TENM4: variants seen among roughly 807,000 people sequenced by gnomAD.
TENM4 encodes the protein teneurin-4.
Under a neutral mutation model 243.3 loss-of-function variants are expected in TENM4, and 82 were observed. The ratio of observed to expected loss-of-function variants is 0.34; its 90% CI spans 0.28 to 0.40. The LOEUF (loss-of-function observed/expected upper bound fraction) is 0.40. Among genes scored for constraint, TENM4 ranks in the 10% least tolerant of loss-of-function variants. TENM4 has a pLI of 1.00. For synonymous variants in TENM4, 1,412 were observed against 1,456.3 expected, an observed-to-expected ratio of 0.97 and a Z score of 0.69; for missense variants, 3,138 against 3,673.3, an observed-to-expected ratio of 0.85 and a Z score of 3.77.
chr11:78,663,589 C>T (rs1190075040), intron 32 of TENM4, among the ~76,000 whole-genome samples: 2 of 152,260 alleles, frequency 1.3e-5, no homozygotes, highest in South Asian at 2.1e-4. Flanking sequence ...CCTTGCCTTC[C>T]GCTACGAGTA....
At chr11:78,823,208 T>C (rs576386689) in intron 12 of TENM4, among the ~76,000 whole-genome samples, 2 of 152,316 alleles carry the variant, frequency 1.3e-5, no homozygotes, top group African/African-American at 4.8e-5. Context: ...AAATGCCTCG[T>C]CTTCCCTCCA....
chr11:79,292,992 G>C (rs957131753), intron 2 of TENM4, among the ~76,000 whole-genome samples: 1 of 152,168 alleles, frequency 6.6e-6, no homozygotes, highest in Non-Finnish European at 1.5e-5. Context: ...TCTGCCCTCA[G>C]AAACCTCACA....
chr11:79,157,665 C>T (rs192449389), intron 3 of TENM4, among the ~76,000 whole-genome samples: 67 of 152,276 alleles, frequency 4.4e-4, no homozygotes, highest in Middle Eastern at 6.8e-3. Context: ...ATCCTATCTA[C>T]TGATCTCCAC....
intron 6 of TENM4, among the ~76,000 whole-genome samples, chr11:78,970,564 T>C (rs938812739): frequency 2.6e-5 from 4 of 152,242 alleles, no homozygotes; most frequent in Admixed American, 2.6e-4. Context: ...ATGCAGTCTG[T>C]AGCAATGGAA....
intron 26 of TENM4, among the ~76,000 whole-genome samples, chr11:78,708,941 A>G (rs1427007864): frequency 2.0e-5 from 3 of 147,460 alleles, no homozygotes; most frequent in African/African-American, 7.7e-5. Context: ...CTTTTTGGTA[A>G]CCATTTTTCT....
chr11:78,854,343 G>A, intron 11 of TENM4, 29 bp from the exon 12 acceptor site: 1 of 1,472,734 alleles, frequency 6.8e-7, no homozygotes, highest in South Asian at 1.4e-5. Flanking sequence ...ACAGTTAGCA[G>A]TGGGTCTGTT....
Position 78,856,183 on chromosome 11 carries a change from C to G in TENM4, c.1256-5G>C. On this transcript the variant is annotated splice_region_variant and splice_polypyrimidine_tract_variant and intron_variant, in intron 10 of 33. Transcript: ENST00000278550. ...GAAAGAAACTACTGGGCTTTCCTACCAAGATAGAGGGAAGGGAAGACAAAG... is the reference window on the plus strand; with the variant it reads ...GAAAGAAACTACTGGGCTTTCCTACGAAGATAGAGGGAAGGGAAGACAAAG... 1.3e-6 allele frequency: 2 copies of G among 1,550,600 alleles called. No homozygotes were observed. The highest frequency in any genetic ancestry group is 1.7e-6 in the Non-Finnish European group (2 of 1,146,252).
chr11:79,001,460 A>G (rs1858324568), intron 6 of TENM4, among the ~76,000 whole-genome samples: 3 of 144,900 alleles, frequency 2.1e-5, no homozygotes, highest in Non-Finnish European at 4.5e-5. Flanking sequence ...GAACTTCCAG[A>G]ATCCTGGCAG....
chr11:78,875,748 G>A (rs568822080), intron 9 of TENM4, among the ~76,000 whole-genome samples: 1 of 152,188 alleles, frequency 6.6e-6, no homozygotes, highest in South Asian at 2.1e-4. Flanking sequence ...GCCCCTGTTT[G>A]CACTTAACAA....
intron 6 of TENM4, among the ~76,000 whole-genome samples, chr11:78,917,282 T>A (rs1332262253): frequency 5.3e-5 from 8 of 152,192 alleles, no homozygotes; most frequent in Non-Finnish European, 1.0e-4. Flanking sequence ...AGAAGTTGCA[T>A]GCAAACGCCT....
chr11:78,854,372 CT>C, intron 11 of TENM4, 58 bp from the exon 12 acceptor site: 1 of 1,398,456 alleles, frequency 7.2e-7, no homozygotes. Context: ...CACCAGCGTC[CT>C]TCCCGGGGCT....
chr11:79,207,965 T>A (rs1241639611), intron 3 of TENM4, among the ~76,000 whole-genome samples: 1 of 151,076 alleles, frequency 6.6e-6, no homozygotes, highest in Non-Finnish European at 1.5e-5. Flanking sequence ...GGGAAGCCAC[T>A]GAAAATCACT....
intron 6 of TENM4, among the ~76,000 whole-genome samples, chr11:78,947,018 A>G (rs1408228249): frequency 6.6e-6 from 1 of 152,236 alleles, no homozygotes; most frequent in Admixed American, 6.5e-5. Flanking sequence ...AACATAGTTG[A>G]TAAGGCAGAA....
chr11:78,864,349 A>G (rs545766210), intron 9 of TENM4, among the ~76,000 whole-genome samples: 5,572 of 142,724 alleles, frequency 0.039, 345 homozygotes, highest in African/African-American at 0.13. Context: ...CAGGAGAATG[A>G]AGTGAACCTG....
intron 6 of TENM4, 50 bp downstream of exon 6, chr11:79,064,687 AC>A (rs1257936419): frequency 5.7e-5 from 88 of 1,544,426 alleles, no homozygotes; most frequent in Non-Finnish European, 7.7e-5. Context: ...TATAAATAAA[AC>A]CCCAGCCCCA....
chr11:79,055,771 A>T (rs542692643), intron 6 of TENM4, among the ~76,000 whole-genome samples: 28 of 152,312 alleles, frequency 1.8e-4, no homozygotes, highest in Non-Finnish European at 3.7e-4. Context: ...AAAGTCACTC[A>T]ATTCCTAAGT....
At chr11:79,017,529 A>T (rs990140350) in intron 6 of TENM4, among the ~76,000 whole-genome samples, 3 of 152,142 alleles carry the variant, frequency 2.0e-5, no homozygotes, top group Non-Finnish European at 2.9e-5. Flanking sequence ...GAGAGGATAC[A>T]CAAAAAAACA....
chr11:78,724,339 G>T (rs1402878591), intron 23 of TENM4, among the ~76,000 whole-genome samples: 1 of 152,154 alleles, frequency 6.6e-6, no homozygotes, highest in Non-Finnish European at 1.5e-5. Context: ...CGATCCTCTC[G>T]CCTTAGCTTC....
At chr11:78,771,213 G>C (rs1001734519) in intron 17 of TENM4, 75 bp from the exon 18 acceptor site, 6 of 1,517,376 alleles carry the variant, frequency 4.0e-6, no homozygotes, top group Non-Finnish European at 4.5e-6. Flanking sequence ...CACGCTACCT[G>C]CCAACTTGCA....
Sources: allele counts gnomAD v4.1 joint callset (sites outside exome capture counted in the v4.1 genomes callset), GRCh38; gene constraint gnomAD v4.1.1; transcripts MANE v1.5; gene names NCBI Gene and HGNC (gene_info 2026-07-23, HGNC 2026-07-21).